The following TEX9 variants were observed in gnomAD, a reference collection of about 807,000 sequenced individuals.
The protein encoded by TEX9 is testis-expressed protein 9.
TEX9 carries 74 observed loss-of-function variants against 59.6 expected under a neutral mutation model. That is an observed-to-expected ratio of 1.24 (90% CI 1.03 to 1.51). TEX9 has a LOEUF of 1.51. TEX9 is among the 40% of genes most tolerant of loss of function. The pLI is 0.00. For synonymous variants in TEX9, 186 were observed against 152.2 expected (o/e 1.22, Z -1.64); for missense variants, 522 against 447.8 (o/e 1.17, Z -1.49).
At chr15:56,289,229 A>G (rs1322484527) in intron 1 of TEX9, among the ~76,000 whole-genome samples, 3 of 151,806 alleles carry the variant, frequency 2.0e-5, no homozygotes. Context: ...GTATGTCTCC[A>G]TTTCTTTGGA....
At chr15:56,451,822 C>G in the TEX9 span, among the ~76,000 whole-genome samples, 2 of 152,068 alleles carry the variant, frequency 1.3e-5, no homozygotes, top group African/African-American at 4.8e-5. Context: ...TACTTTTTGA[C>G]CAAAGGGTAA....
chr15:56,270,531 CTA>C (rs1342889088), intron 1 of TEX9, among the ~76,000 whole-genome samples: 1 of 152,168 alleles, frequency 6.6e-6, no homozygotes, highest in East Asian at 1.9e-4. Flanking sequence ...TATTTTGACA[CTA>C]TGTGTGTCTC....
chr15:56,372,885 G>T (rs188434378), intron 2 of TEX9, among the ~76,000 whole-genome samples: 53 of 152,242 alleles, frequency 3.5e-4, no homozygotes, highest in African/African-American at 1.3e-3. Flanking sequence ...GGAGTGACAG[G>T]TAGAGGTCAA....
At chr15:56,426,562 GTTTTT>G (rs35594267) in intron 10 of TEX9, among the ~76,000 whole-genome samples, 1 of 53,870 alleles carries the variant, frequency 1.9e-5, no homozygotes, top group African/African-American at 5.6e-5. Context: ...TTAAAGAGGT[GTTTTT>G]TTTTTTTTTT....
Position 56,347,052 on chromosome 15 carries a change from C to T in TEX9, c.-106-26389C>T, listed in dbSNP as rs1047364415. On this transcript the variant is annotated intron_variant, in intron 1 of 5. Transcript: ENST00000560827. Reference sequence around the variant, plus strand: ...ATGCGTAGGACTTGTATGGTGAAATCTGCACAAACACTGATGAAAGATTTC... The same window carrying T: ...ATGCGTAGGACTTGTATGGTGAAATTTGCACAAACACTGATGAAAGATTTC... 3.1e-4 allele frequency among the ~76,000 whole-genome samples: 47 copies of T among 152,262 alleles called. 1 individual carries two copies. Among genetic ancestry groups the T allele is most frequent in the Admixed American group, 2.1e-3 (32 of 15,296 alleles).
At chr15:56,443,426 T>G in intron 12 of TEX9, 1 of 1,552,458 alleles carries the variant, frequency 6.4e-7, no homozygotes. Context: ...TTTCTGAAAC[T>G]TACTTTTAGC....
At chr15:56,421,293 A>G (rs1308564807) in intron 10 of TEX9, among the ~76,000 whole-genome samples, 2 of 151,682 alleles carry the variant, frequency 1.3e-5, no homozygotes, top group Non-Finnish European at 2.9e-5. Context: ...ACCTCTTATT[A>G]TTTATTTATA....
At chr15:56,352,099 T>A (rs1302034718) in intron 1 of TEX9, among the ~76,000 whole-genome samples, 1 of 152,190 alleles carries the variant, frequency 6.6e-6, no homozygotes, top group Non-Finnish European at 1.5e-5. Flanking sequence ...TGAACAAGAA[T>A]GAAAGAACCC....
chr15:56,308,969 A>T (rs1425315870), intron 1 of TEX9, among the ~76,000 whole-genome samples: 4 of 152,304 alleles, frequency 2.6e-5, no homozygotes, highest in Admixed American at 1.3e-4. Flanking sequence ...AAGTTTTGAA[A>T]TCAGAAACTG....
At chr15:56,394,131 A>C (rs2048343871) in intron 7 of TEX9, 34 bp from the exon 8 acceptor site, 1 of 1,572,734 alleles carries the variant, frequency 6.4e-7, no homozygotes, top group African/African-American at 1.4e-5. Flanking sequence ...TAGATTCAGC[A>C]AAAGACAGTA....
intron 9 of TEX9, among the ~76,000 whole-genome samples, chr15:56,398,656 T>C (rs898061061): frequency 6.6e-6 from 1 of 152,252 alleles, no homozygotes; most frequent in Admixed American, 6.5e-5. Flanking sequence ...TTATTTTCAG[T>C]TCCCATTTTG....
chr15:56,456,552 C>G, the TEX9 span: 2 of 1,591,730 alleles, frequency 1.3e-6, no homozygotes, highest in African/African-American at 1.4e-5. Context: ...CGTTGTTTGT[C>G]CTCTAGAATC....
At chr15:56,275,422 A>G (rs2044644765) in intron 1 of TEX9, among the ~76,000 whole-genome samples, 1 of 152,124 alleles carries the variant, frequency 6.6e-6, no homozygotes, top group Non-Finnish European at 1.5e-5. Flanking sequence ...AAATCTTTCT[A>G]ACGAACACCT....
intron 1 of TEX9, among the ~76,000 whole-genome samples, chr15:56,292,053 A>G (rs2045106956): frequency 1.3e-5 from 2 of 152,232 alleles, no homozygotes; most frequent in African/African-American, 4.8e-5. Context: ...AAGAAGCACT[A>G]TTCTTCATAA....
intron 1 of TEX9, among the ~76,000 whole-genome samples, chr15:56,349,266 A>AT (rs1314888906): frequency 6.6e-6 from 1 of 152,188 alleles, no homozygotes; most frequent in African/African-American, 2.4e-5. Context: ...AAGAGTTGTT[A>AT]TGGCATGGAA....
chr15:56,275,090 T>C (rs1310453715), intron 1 of TEX9, among the ~76,000 whole-genome samples: 5 of 152,188 alleles, frequency 3.3e-5, no homozygotes, highest in African/African-American at 1.2e-4. Context: ...CCTATGTCCC[T>C]ATGTCTAAGG....
rs569597138 is a variant in TEX9 at position 56,418,843 on chromosome 15, G to C, written c.963+6407G>C. Among the ~76,000 whole-genome samples the C allele has an allele frequency of 3.9e-5, 6 of 151,988 alleles. No individual in the cohort carries two copies. In the South Asian group the frequency reaches 1.2e-3, roughly 32 times the overall value. On this transcript the variant is annotated intron_variant, in intron 10 of 12. Transcript: ENST00000352903. ...TATGGTGCTTTGAGCAAGTAACCAA[G>C]CCAATAAATGCCTTTTTTAAAAACA... is the stretch of plus-strand genomic sequence containing the variant.
At chr15:56,443,703 T>C in intron 12 of TEX9, 1 of 1,613,574 alleles carries the variant, frequency 6.2e-7, no homozygotes, top group Non-Finnish European at 8.5e-7. Context: ...TCTTCTTCTC[T>C]TTGCTGCTGC....
chr15:56,435,939 TC>T (rs1198356462), intron 12 of TEX9, among the ~76,000 whole-genome samples: 1 of 151,990 alleles, frequency 6.6e-6, no homozygotes, highest in Non-Finnish European at 1.5e-5. Context: ...AAAGAATTAT[TC>T]ACCATGACCA....
Sources: gnomAD v4.1 joint callset for allele counts (sites outside exome capture counted in the v4.1 genomes callset) on GRCh38, gnomAD v4.1.1 for gene constraint, MANE v1.5 for transcripts, NCBI Gene and HGNC (gene_info 2026-07-23, HGNC 2026-07-21) for gene names.